MBD6: variants seen among roughly 807,000 people sequenced by gnomAD.
The protein encoded by MBD6 is methyl-CpG binding domain protein 6.
Under a neutral mutation model 66.8 loss-of-function variants are expected in MBD6, and 22 were observed. That is an observed-to-expected ratio of 0.33 (90% CI 0.24 to 0.47). The LOEUF (loss-of-function observed/expected upper bound fraction) is 0.47, where lower values mean the gene tolerates loss of function less well. Among genes scored for constraint, MBD6 ranks in the 20% least tolerant of loss-of-function variants. The probability of loss-of-function intolerance (pLI) is 1.00; values close to 1 mark genes in which losing one functional copy is unlikely to be tolerated. For missense variants in MBD6, 1,322 were observed against 1,286.9 expected (o/e 1.03, Z -0.42); for synonymous variants, 540 against 534.6 (o/e 1.01, Z -0.14).
In MBD6 at chr12:57,526,248, A is replaced by T; in HGVS notation, c.1280A>T (p.Asp427Val). 6.2e-7 allele frequency: 1 copy of T among 1,613,194 alleles called. No individual in the cohort carries two copies. The highest frequency in any genetic ancestry group is 8.5e-7 in the Non-Finnish European group (1 of 1,179,780). The change falls in exon 6 of 13, where the codon GAT becomes GTT. Residue 427 changes from aspartate to valine, a missense_variant. Coordinates refer to ENST00000355673, the MANE Select transcript of MBD6 (RefSeq NM_052897.4). ...CCCACCCCTGGCCCTTCCCACTCTGATGGAAGCTTTAACCTTTTGGGGTCA... is the reference window on the plus strand; with the variant it reads ...CCCACCCCTGGCCCTTCCCACTCTGTTGGAAGCTTTAACCTTTTGGGGTCA... ...GLPTPGPSHSDGSFNLLGSDA... is the reference protein window; with the variant it reads ...GLPTPGPSHSVGSFNLLGSDA...
Position 57,526,269 on chromosome 12 carries a change from G to A in MBD6, c.1301G>A (p.Gly434Glu). The part of the protein sequence containing the change: ...SHSDGSFNLL[G>E]SDAHLPPPPT... Reference sequence around the variant, plus strand: ...TCTGATGGAAGCTTTAACCTTTTGGGGTCAGATGCACACCTTCCTCCTCCC... The same window carrying A: ...TCTGATGGAAGCTTTAACCTTTTGGAGTCAGATGCACACCTTCCTCCTCCC... The change falls in exon 6 of 13, where the codon GGG (glycine) becomes GAG (glutamate). Residue 434 changes from glycine (G) to glutamate (E), a missense_variant. Coordinates refer to ENST00000355673, the MANE Select transcript of MBD6 (RefSeq NM_052897.4). The A allele has an allele frequency of 6.2e-7, 1 of 1,613,608 alleles. No individual in the cohort carries two copies. Among genetic ancestry groups the A allele is most frequent in the South Asian group, 1.1e-5 (1 of 91,058 alleles).
At position 57,528,166 on chromosome 12, in the gene MBD6, A is replaced by G; in HGVS notation, c.2426A>G (p.Glu809Gly). ...QSLQIPPEQP[E>G]APCLPPESPA... is the part of the protein sequence containing the mutation. ...CAGCAGATCCCTCCAGAGCAGCCAG[A>G]AGCCCCCTGTCTACCCCCCGAGAGC... The change falls in exon 10 of 13, where the codon GAA becomes GGA. Residue 809 changes from glutamate (E) to glycine (G), a missense_variant. Physicochemically the swap from Glu to Gly is moderately conservative, Grantham distance 98 (BLOSUM62 -2). Transcript: ENST00000355673. 1 of 1,605,160 alleles carries G rather than the reference A, an allele frequency of 6.2e-7. No homozygotes were observed. Among genetic ancestry groups the G allele is most frequent in the Admixed American group, 1.8e-5 (1 of 56,968 alleles).
In MBD6 at chr12:57,524,300, C is replaced by G; in HGVS notation, c.-4C>G. On this transcript the variant is annotated 5_prime_UTR_variant, in exon 3 of 13. Transcript: ENST00000355673. ...ATCAGGCACGCGGGAGCTGATTACA[C>G]ACAATGAATGGGGGCAATGAGAGCA... 2 of 1,547,876 alleles carry G rather than the reference C, an allele frequency of 1.3e-6. No homozygotes were observed. The highest frequency in any genetic ancestry group is 1.7e-6 in the Non-Finnish European group (2 of 1,148,792).
chr12:57,526,158 A>C lies in MBD6; in HGVS notation c.1190A>C (p.Gln397Pro). The change falls in exon 6 of 13, where the codon CAA (glutamine) becomes CCA (proline). Residue 397 changes from glutamine (Q) to proline (P), a missense_variant. Coordinates refer to ENST00000355673, the MANE Select transcript of MBD6 (RefSeq NM_052897.4). Reference sequence around the variant, plus strand: ...CCTCGGGCCCCTGCTCCTGTCCCCCAACCCTTTTCTCTCCCGGAGCCATCC... The same window carrying C: ...CCTCGGGCCCCTGCTCCTGTCCCCCCACCCTTTTCTCTCCCGGAGCCATCC... Reference protein sequence around the residue: ...SRPRAPAPVPQPFSLPEPSQP... With the variant: ...SRPRAPAPVPPPFSLPEPSQP... 6.2e-7 allele frequency: 1 copy of C among 1,613,656 alleles called. No homozygotes were observed. The highest frequency in any genetic ancestry group is 8.5e-7 in the Non-Finnish European group (1 of 1,179,894).
At chr12:57,530,798 T>C, downstream of MBD6, 1 of 1,598,260 alleles carries the variant, frequency 6.3e-7, no homozygotes, top group Non-Finnish European at 8.6e-7. Context: ...AGAGAGGTTT[T>C]ACTCTTTGTC....
chr12:57,523,522 C>G (rs1259145223), intron 1 of MBD6, among the ~76,000 whole-genome samples: 2 of 152,178 alleles, frequency 1.3e-5, no homozygotes, highest in Non-Finnish European at 2.9e-5. Flanking sequence ...AGCTGTGATC[C>G]TCACCTCTTA....
chr12:57,526,680 T>G lies in MBD6; in HGVS notation c.1535T>G (p.Leu512Arg). 2 of 1,527,964 alleles carry G rather than the reference T, an allele frequency of 1.3e-6. No homozygotes were observed. The allele number at this position is 1,527,964 out of a possible 1,614,324, so 94.7% of individuals were successfully genotyped here. ...GAGPACPLPP[L>R]AGGEAFPFPS... ...GGCCCGGCCTGCCCTCTGCCTCCCC[T>G]GGCTGGTGGAGAGGCTTTCCCTTTC... The change falls in exon 7 of 13, where the codon CTG (leucine) becomes CGG (arginine). Residue 512 changes from leucine (L) to arginine (R), a missense_variant. Leu to Arg is a moderately radical substitution (Grantham distance 102). Coordinates refer to ENST00000355673, the MANE Select transcript of MBD6 (RefSeq NM_052897.4).
At chr12:57,530,772 G>A, downstream of MBD6, 1 of 1,613,418 alleles carries the variant, frequency 6.2e-7, no homozygotes, top group Non-Finnish European at 8.5e-7. Flanking sequence ...ATGGTTGTCT[G>A]CACCTACAAA....
intron 1 of MBD6, among the ~76,000 whole-genome samples, chr12:57,523,817 C>G (rs952894126): frequency 6.6e-6 from 1 of 152,172 alleles, no homozygotes; most frequent in Non-Finnish European, 1.5e-5. Flanking sequence ...GCTAGACTTT[C>G]TTGGTCCCAG....
chr12:57,527,559 C>T lies in MBD6; in HGVS notation c.2135C>T (p.Thr712Met), dbSNP rs372081138. The T allele has an allele frequency of 3.0e-5, 49 of 1,613,982 alleles. No individual in the cohort carries two copies. In the East Asian group the frequency reaches 5.3e-4, roughly 18 times the overall value. The change falls in exon 8 of 13, where the codon ACG (threonine) becomes ATG (methionine). Residue 712 changes from threonine to methionine, a missense_variant. Thr to Met is a moderately conservative substitution (Grantham distance 81, BLOSUM62 -1). Coordinates refer to ENST00000355673, the MANE Select transcript of MBD6 (RefSeq NM_052897.4). ...GGACCACCTACCTCCAGTGTCACCA[C>T]GGCAACTACTGACCCGGGGGCCTCC... ...QPGPPTSSVT[T>M]ATTDPGASSL... is the part of the protein sequence containing the mutation.
rs776083013 is a variant in MBD6, at chr12:57,526,302, TCTC to T, written c.1338_1340del (p.Ser447del). 1.9e-6 allele frequency: 3 copies of T among 1,612,152 alleles called. No homozygotes were observed. The South Asian group carries it at 3.3e-5, about 18-fold the overall frequency. On this transcript the variant is annotated inframe_deletion, in exon 6 of 13. Coordinates refer to ENST00000355673, the MANE Select transcript of MBD6 (RefSeq NM_052897.4). ...GCACACCTTCCTCCTCCCCCAACCC[TCTC>T]CTCAGGGAGCCCTCCCCAGCCCAGG... is the stretch of plus-strand genomic sequence containing the variant.
chr12:57,522,364 C>T (rs1878409700), upstream of MBD6, among the ~76,000 whole-genome samples: 2 of 152,194 alleles, frequency 1.3e-5, no homozygotes, highest in African/African-American at 2.4e-5. Context: ...CGGGTCAAGT[C>T]CCAGCACACT....
rs373817648 is a variant in MBD6, at chr12:57,529,104, A to C, written c.2938-56A>C. On this transcript the variant is annotated intron_variant, in intron 12 of 12. Transcript: ENST00000355673. ...GGTTAGAGGGAGTGGGGAGAAAAGA[A>C]GACTTCCTGATACCTAGCAATTGAC... 1.2e-4 allele frequency: 197 copies of C among 1,613,242 alleles called. 3 individuals carry two copies. The highest frequency in any genetic ancestry group is 9.1e-4 in the East Asian group (41 of 44,868).
rs1324642093 is a variant in MBD6 at position 57,525,729 on chromosome 12, C to T, written c.761C>T (p.Pro254Leu). 6.2e-7 allele frequency: 1 copy of T among 1,614,032 alleles called. No individual in the cohort carries two copies. The highest frequency in any genetic ancestry group is 1.3e-5 in the African/African-American group (1 of 74,978). Residue 254 changes from proline (P) to leucine (L), a missense_variant, in exon 6 of 13, where the codon CCA (proline) becomes CTA (leucine). Pro to Leu is a moderately conservative substitution (Grantham distance 98). Transcript: ENST00000355673. ...SPPAPHASSS[P>L]PSDPPLFHCS... ...CCGGCCCCTCATGCCTCCTCCTCAC[C>T]ACCTTCAGACCCTCCTCTCTTCCAC...
rs1204155063 is a variant in MBD6 at position 57,529,007 on chromosome 12, C to T, written c.2935C>T (p.Arg979Ter). The T allele has an allele frequency of 3.1e-6, 5 of 1,613,950 alleles. No homozygotes were observed. Among genetic ancestry groups the T allele is most frequent in the South Asian group, 1.1e-5 (1 of 91,056 alleles). ...TACCTTGGAACCCAGCCCTACAGCCCGAGTAAGTGTGTGTTTGGGTGGATG... is the reference window on the plus strand; with the variant it reads ...TACCTTGGAACCCAGCCCTACAGCCTGAGTAAGTGTGTGTTTGGGTGGATG... Reference protein sequence around the residue: ...DITLEPSPTARAAVPLPPRAR... With the variant: ...DITLEPSPTA The change falls in exon 12 of 13, where the codon CGA becomes TGA. Residue 979 changes from arginine (R) to a stop codon, truncating the protein, a stop_gained and splice_region_variant. Coordinates refer to ENST00000355673, the MANE Select transcript of MBD6 (RefSeq NM_052897.4). LOFTEE classifies it high-confidence loss of function.
At position 57,525,691 on chromosome 12, in the gene MBD6, C is replaced by T; in HGVS notation, c.723C>T (p.Asp241=). ...AALRSSLVPS[D]LGSPPAPHAS... ...TCAGATCCAGCCTGGTGCCCTCTGA[C>T]CTGGGCTCTCCTCCGGCCCCTCATG... is the stretch of plus-strand genomic sequence containing the variant. The change falls in exon 6 of 13, where the codon GAC becomes GAT. Residue 241 remains aspartate, a synonymous_variant. Coordinates refer to ENST00000355673, the MANE Select transcript of MBD6 (RefSeq NM_052897.4). The T allele has an allele frequency of 1.9e-6, 3 of 1,614,068 alleles. No individual in the cohort carries two copies. Among genetic ancestry groups the T allele is most frequent in the Non-Finnish European group, 2.5e-6 (3 of 1,179,984 alleles).
Position 57,527,968 on chromosome 12 carries a change from C to T in MBD6, c.2357C>T (p.Pro786Leu). The T allele has an allele frequency of 6.3e-7, 1 of 1,582,596 alleles. No individual in the cohort carries two copies. The highest frequency in any genetic ancestry group is 8.6e-7 in the Non-Finnish European group (1 of 1,167,544). Residue 786 changes from proline to leucine, a missense_variant, in exon 9 of 13, where the codon CCC becomes CTC. Coordinates refer to ENST00000355673, the MANE Select transcript of MBD6 (RefSeq NM_052897.4). ...CTCCCTGGGGGGGGAGCTCCTCCAC[C>T]CCTCTCAGAGGCTTCTAGTCCCCTA... The part of the protein sequence containing the change: ...QLLPGGGAPP[P>L]LSEASSPLAC...
At chr12:57,524,557 G>T in intron 3 of MBD6, 141 bp downstream of exon 3, 1 of 1,046,672 alleles carries the variant, frequency 9.6e-7, no homozygotes, top group Non-Finnish European at 1.4e-6. Context: ...TTTGCTTTCT[G>T]TAGCTCTGGG....
chr12:57,525,771 C>T lies in MBD6; in HGVS notation c.803C>T (p.Thr268Ile), dbSNP rs1878864842. 1.2e-6 allele frequency: 2 copies of T among 1,613,550 alleles called. No homozygotes were observed. Among genetic ancestry groups the T allele is most frequent in the African/African-American group, 2.7e-5 (2 of 74,840 alleles). Reference protein sequence around the residue: ...PPLFHCSDALTPPPLPPSNNL... With the variant: ...PPLFHCSDALIPPPLPPSNNL... ...CTCTTCCACTGTAGTGATGCCTTAA[C>T]ACCCCCTCCCCTGCCCCCGAGCAAT... The change falls in exon 6 of 13, where the codon ACA becomes ATA. Residue 268 changes from threonine to isoleucine, a missense_variant. Transcript: ENST00000355673.
Sources: allele counts gnomAD v4.1 joint callset (sites outside exome capture counted in the v4.1 genomes callset), GRCh38; gene constraint gnomAD v4.1.1; transcripts MANE v1.5; gene names NCBI Gene and HGNC (gene_info 2026-07-23, HGNC 2026-07-21).